Variants in ZNF566 observed in about 807,000 individuals in gnomAD.
ZNF566 encodes the protein zinc finger protein 566.
ZNF566 carries 27 observed loss-of-function variants against 32.8 expected under a neutral mutation model. The observed-to-expected ratio is 0.82, with a 90% CI of 0.61 to 1.14. The LOEUF (loss-of-function observed/expected upper bound fraction) is 1.14. Among genes scored for constraint, ZNF566 ranks in the 50% most tolerant of loss-of-function variants. The pLI, the probability that ZNF566 is intolerant of heterozygous loss-of-function variation, is 0.00. For synonymous variants in ZNF566, 154 were observed against 159.5 expected, an observed-to-expected ratio of 0.97 and a Z score of 0.26; for missense variants, 402 against 490.4, an observed-to-expected ratio of 0.82 and a Z score of 1.70.
At chr19:36,476,660 C>G (rs1030548576) in intron 1 of ZNF566, 44 bp from the exon 2 acceptor site, 1 of 1,503,240 alleles carries the variant, frequency 6.7e-7, no homozygotes, top group Admixed American at 1.9e-5. Context: ...ACTTTCCTCA[C>G]AGCTCCTGGC....
intron 4 of ZNF566, among the ~76,000 whole-genome samples, chr19:36,463,732 G>GT (rs201770124): frequency 6.3e-4 from 89 of 140,884 alleles, no homozygotes; most frequent in East Asian, 1.0e-3. Flanking sequence ...CTTTTTTTGG[G>GT]TTTTTTTTTT....
intron 1 of ZNF566, 47 bp from the exon 2 acceptor site, chr19:36,476,663 C>G (rs1292611779): frequency 6.0e-6 from 9 of 1,492,580 alleles, no homozygotes; most frequent in African/African-American, 4.2e-5. Context: ...TTCCTCACAG[C>G]TCCTGGCCCA....
chr19:36,472,015 A>T (rs1416730443), intron 4 of ZNF566, among the ~76,000 whole-genome samples: 2 of 152,148 alleles, frequency 1.3e-5, no homozygotes, highest in Non-Finnish European at 2.9e-5. Context: ...AAGTGCTGGG[A>T]TTACAGGGGT....
intron 1 of ZNF566, among the ~76,000 whole-genome samples, chr19:36,479,248 T>C (rs1360738670): frequency 6.6e-6 from 1 of 152,116 alleles, no homozygotes; most frequent in African/African-American, 2.4e-5. Context: ...GCCAGTATAA[T>C]AGGGCACGAT....
chr19:36,473,162 C>T (rs2033807220), intron 3 of ZNF566, 156 bp from the exon 4 acceptor site: 3 of 1,066,834 alleles, frequency 2.8e-6, no homozygotes, highest in Non-Finnish European at 2.7e-6. Context: ...TAAAACATCC[C>T]CAAAAACTCA....
rs189624148 is a variant in ZNF566 at position 36,459,732 on chromosome 19, G to A, written c.233-9731C>T. Among the ~76,000 whole-genome samples, 168 of 147,748 alleles carry A rather than the reference G, an allele frequency of 1.1e-3. 3 individuals are homozygous for A. In the East Asian group the frequency reaches 0.02, roughly 18 times the overall value. ...TCACCATGTTGGCCAGGCTGGTCTC[G>A]AACCCCAACCTCAGGTGATCCACCC... On this transcript the variant is annotated intron_variant, in intron 4 of 4. Coordinates refer to ENST00000452939, the MANE Select transcript of ZNF566 (RefSeq NM_001145344.1).
intron 4 of ZNF566, among the ~76,000 whole-genome samples, chr19:36,452,046 C>A: frequency 1.3e-5 from 2 of 148,292 alleles, no homozygotes; most frequent in African/African-American, 2.5e-5. Context: ...AATTTCCATA[C>A]AAAAATGGGG....
At chr19:36,456,921 A>C (rs2145648607) in intron 4 of ZNF566, among the ~76,000 whole-genome samples, 1 of 152,306 alleles carries the variant, frequency 6.6e-6, no homozygotes, top group South Asian at 2.1e-4. Flanking sequence ...ACCATAAAAG[A>C]CCCTGAAGAG....
chr19:36,483,768 T>C (rs976315833), intron 1 of ZNF566, among the ~76,000 whole-genome samples: 6 of 152,108 alleles, frequency 3.9e-5, no homozygotes, highest in African/African-American at 1.4e-4. Context: ...GCCCCCAGAA[T>C]CACGGCAGAT....
At chr19:36,473,587 T>G (rs1024220703) in intron 2 of ZNF566, 129 bp from the exon 3 acceptor site, 1 of 782,296 alleles carries the variant, frequency 1.3e-6, no homozygotes, top group Non-Finnish European at 1.9e-6. Context: ...TGGGAAGCAG[T>G]GGAGGACTGT....
intron 1 of ZNF566, among the ~76,000 whole-genome samples, chr19:36,486,579 G>A (rs1398388830): frequency 1.3e-5 from 2 of 151,316 alleles, no homozygotes; most frequent in South Asian, 2.1e-4. Context: ...GCTGAGGCAG[G>A]AGGATTGCTT....
intron 4 of ZNF566, among the ~76,000 whole-genome samples, chr19:36,454,807 A>C (rs749749332): frequency 2.3e-4 from 35 of 152,168 alleles, no homozygotes; most frequent in Non-Finnish European, 3.1e-4. Flanking sequence ...CAAACACTTA[A>C]AGAAGAATTA....
intron 4 of ZNF566, among the ~76,000 whole-genome samples, chr19:36,457,329 C>T (rs2033342087): frequency 6.6e-6 from 1 of 152,058 alleles, no homozygotes; most frequent in South Asian, 2.1e-4. Flanking sequence ...AATATGATTA[C>T]ATCAAACTCA....
Position 36,453,357 on chromosome 19 carries a change from C to T in ZNF566, c.233-3356G>A, listed in dbSNP as rs533301426. 4.4e-3 allele frequency among the ~76,000 whole-genome samples: 664 copies of T among 151,090 alleles called. 6 individuals carry two copies. The highest frequency in any genetic ancestry group is 4.6e-3 in the Non-Finnish European group (309 of 67,808). ...CTGTGGTGGTGTACGCCTGTACTCC[C>T]GGCTACTCAGGAGGCTGAGGCAGGA... On this transcript the variant is annotated intron_variant, in intron 4 of 4. Coordinates refer to ENST00000452939, the MANE Select transcript of ZNF566 (RefSeq NM_001145344.1).
At chr19:36,463,097 A>G (rs375506614) in intron 4 of ZNF566, among the ~76,000 whole-genome samples, 10 of 151,486 alleles carry the variant, frequency 6.6e-5, no homozygotes, top group African/African-American at 2.2e-4. Context: ...TGAGCCCAGG[A>G]GTTCAAAATC....
rs2034258135 is a variant in ZNF566, at chr19:36,489,519, T to A, written c.-93A>T. ...GAAGCAGCAGAACCCTCCCCGGCAC[T>A]GGGGTAGTTGCTGGTAAAGCCCTGA... On this transcript the variant is annotated 5_prime_UTR_variant, in exon 1 of 5. Transcript: ENST00000452939. 1 of 347,672 alleles carries A rather than the reference T, an allele frequency of 2.9e-6. No individual in the cohort carries two copies. Among genetic ancestry groups the A allele is most frequent in the Middle Eastern group, 6.8e-4 (1 of 1,472 alleles). 21.5% of individuals were successfully genotyped at this position (347,672 alleles called of 1,614,324 possible). A position where few individuals can be genotyped will look rare whatever the true frequency, so the allele number is the denominator to read the frequency against.
chr19:36,457,237 G>A (rs1036226584), intron 4 of ZNF566, among the ~76,000 whole-genome samples: 8 of 152,050 alleles, frequency 5.3e-5, no homozygotes, highest in East Asian at 1.9e-4. Flanking sequence ...ATACATATAC[G>A]AAAGTCAACT....
At chr19:36,456,907 T>G (rs907266075) in intron 4 of ZNF566, among the ~76,000 whole-genome samples, 2 of 152,142 alleles carry the variant, frequency 1.3e-5, no homozygotes, top group Non-Finnish European at 1.5e-5. Context: ...AAAATTCATA[T>G]GGAACCATAA....
At chr19:36,469,012 G>C (rs1462160114) in intron 4 of ZNF566, among the ~76,000 whole-genome samples, 1 of 151,758 alleles carries the variant, frequency 6.6e-6, no homozygotes, top group Admixed American at 6.6e-5. Context: ...CACAGTAATA[G>C]ATTAAAAGTA....
Sources: gnomAD v4.1 joint callset for allele counts (sites outside exome capture counted in the v4.1 genomes callset) on GRCh38, gnomAD v4.1.1 for gene constraint, MANE v1.5 for transcripts, NCBI Gene and HGNC (gene_info 2026-07-23, HGNC 2026-07-21) for gene names.